Variants in SOX5 observed in about 807,000 individuals in gnomAD.
SOX5 encodes transcription factor SOX-5.
SOX5 carries 9 observed loss-of-function variants against 92.0 expected under a neutral mutation model. The ratio of observed to expected loss-of-function variants is 0.10; its 90% CI spans 0.06 to 0.17. SOX5 has a LOEUF of 0.17. SOX5 is among the 10% of genes least tolerant of loss of function. The probability of loss-of-function intolerance (pLI) is 1.00; values close to 1 mark genes in which losing one functional copy is unlikely to be tolerated. For synonymous variants in SOX5, 344 were observed against 336.3 expected (o/e 1.02, Z -0.25); for missense variants, 642 against 944.5 (o/e 0.68, Z 4.20).
intron 4 of SOX5, among the ~76,000 whole-genome samples, chr12:24,059,898 C>T (rs1939339014): frequency 6.6e-6 from 1 of 152,022 alleles, no homozygotes; most frequent in Non-Finnish European, 1.5e-5. Flanking sequence ...TTATAGCTTC[C>T]TTATTATAAG....
At chr12:23,663,889 G>C (rs990584334) in intron 7 of SOX5, among the ~76,000 whole-genome samples, 7 of 151,992 alleles carry the variant, frequency 4.6e-5, no homozygotes, top group African/African-American at 1.7e-4. Flanking sequence ...AACCTACAAA[G>C]GTAGGACGAT....
chr12:24,089,692 C>A (rs535587869), intron 4 of SOX5, among the ~76,000 whole-genome samples: 10 of 152,200 alleles, frequency 6.6e-5, no homozygotes, highest in African/African-American at 2.2e-4. Context: ...AACGCCCAGG[C>A]CTTATGTGCT....
intron 4 of SOX5, among the ~76,000 whole-genome samples, chr12:23,998,675 G>A (rs1003700879): frequency 6.6e-6 from 1 of 151,632 alleles, no homozygotes; most frequent in Admixed American, 6.6e-5. Flanking sequence ...GGTGGCTGGG[G>A]CTTGTAATCC....
In SOX5 at chr12:24,001,770, T is replaced by G. The variant is rs570434331; in HGVS notation, c.-1-105746A>C. Among the ~76,000 whole-genome samples the G allele has an allele frequency of 8.5e-5, 13 of 152,240 alleles. No homozygotes were observed. The South Asian group carries it at 2.7e-3, about 32-fold the overall frequency. ...GAATTAAAATAAGAATAGACAATAT[T>G]TATCACAAAGAAAGCAATACAGGAG... On this transcript the variant is annotated intron_variant, in intron 4 of 4. Coordinates refer to the SOX5 transcript ENST00000446891.
At chr12:23,958,735 A>AC (rs1946558624) in intron 4 of SOX5, among the ~76,000 whole-genome samples, 1 of 151,636 alleles carries the variant, frequency 6.6e-6, no homozygotes, top group African/African-American at 2.4e-5. Flanking sequence ...AAGTAAAAAA[A>AC]AAAAGATATC....
chr12:24,028,027 T>G (rs1369265807), intron 4 of SOX5, among the ~76,000 whole-genome samples: 1 of 151,994 alleles, frequency 6.6e-6, no homozygotes, highest in Non-Finnish European at 1.5e-5. Context: ...GATTTCATCA[T>G]GCTTTCTCTC....
chr12:23,841,268 C>T (rs1213212734), intron 3 of SOX5, among the ~76,000 whole-genome samples: 1 of 152,056 alleles, frequency 6.6e-6, no homozygotes, highest in Non-Finnish European at 1.5e-5. Flanking sequence ...GATACTACTA[C>T]ACACCTATTT....
rs1193948415 is a variant in SOX5 at position 23,740,969 on chromosome 12, T to C, written c.639A>G (p.Arg213=). 6.2e-7 allele frequency: 1 copy of C among 1,612,972 alleles called. No homozygotes were observed. The highest frequency in any genetic ancestry group is 8.5e-7 in the Non-Finnish European group (1 of 1,179,206). Reference sequence around the variant, plus strand: ...CATCGTGGGCAGCCAACAGCTGCTCTCGGAGGCTGGTCAGCTGGTTGATCA... The same window carrying C: ...CATCGTGGGCAGCCAACAGCTGCTCCCGGAGGCTGGTCAGCTGGTTGATCA... ...MGMINQLTSL[R]EQLLAAHDEQ... Residue 213 remains arginine, a synonymous_variant, in exon 5 of 15, where the codon CGA becomes CGG. Transcript: ENST00000451604.
rs1014674506 is a variant in SOX5, at chr12:24,312,148, T to C, written c.-173-34836A>G. Reference sequence around the variant, plus strand: ...TTTTTCTGCTCCCACTGATGACAAATATGTGGGAAATGGATTTAAATCTCA... The same window carrying C: ...TTTTTCTGCTCCCACTGATGACAAACATGTGGGAAATGGATTTAAATCTCA... On this transcript the variant is annotated intron_variant, in intron 2 of 4. Coordinates refer to the SOX5 transcript ENST00000446891. 2.0e-5 allele frequency among the ~76,000 whole-genome samples: 3 copies of C among 152,138 alleles called. No homozygotes were observed. In the South Asian group the frequency reaches 6.2e-4, roughly 32 times the overall value.
upstream of SOX5, among the ~76,000 whole-genome samples, chr12:23,954,592 T>C (rs1946060128): frequency 6.6e-6 from 1 of 152,052 alleles, no homozygotes; most frequent in Non-Finnish European, 1.5e-5. Context: ...CTTGTAATAG[T>C]GGACTTCTTC....
chr12:24,274,702 C>A (rs1944229868), intron 3 of SOX5, among the ~76,000 whole-genome samples: 1 of 151,298 alleles, frequency 6.6e-6, no homozygotes. Context: ...ACTGTCATCT[C>A]CACAATATTT....
At chr12:23,627,876 G>T (rs1037655572) in intron 8 of SOX5, among the ~76,000 whole-genome samples, 3 of 151,262 alleles carry the variant, frequency 2.0e-5, no homozygotes, top group Non-Finnish European at 4.4e-5. Context: ...TTATCTAACT[G>T]GTTACTCACT....
intron 11 of SOX5, among the ~76,000 whole-genome samples, chr12:23,555,332 A>C (rs12815511): frequency 0.071 from 10,861 of 152,000 alleles, 552 homozygotes; most frequent in South Asian, 0.11. Flanking sequence ...TCTCTCTGAA[A>C]GCCCAATTTG....
At position 24,161,356 on chromosome 12, in the gene SOX5, A is replaced by G. The variant is rs144770449; in HGVS notation, c.-2+51987T>C. Among the ~76,000 whole-genome samples, 552 of 152,234 alleles carry G rather than the reference A, an allele frequency of 3.6e-3. 2 individuals carry two copies. The highest frequency in any genetic ancestry group is 5.5e-3 in the Non-Finnish European group (371 of 67,988). On this transcript the variant is annotated intron_variant, in intron 4 of 4. Coordinates refer to the SOX5 transcript ENST00000446891. ...CATCAGATATTTGAAGATAGCTACTATATCAAGCAGAAATGTCACATAGGC... is the reference window on the plus strand; with the variant it reads ...CATCAGATATTTGAAGATAGCTACTGTATCAAGCAGAAATGTCACATAGGC...
intron 2 of SOX5, among the ~76,000 whole-genome samples, chr12:23,846,939 C>G (rs913668393): frequency 6.6e-5 from 10 of 152,068 alleles, no homozygotes; most frequent in African/African-American, 2.4e-4. Flanking sequence ...TCTTCATAGT[C>G]ATGTGGGTAT....
intron 2 of SOX5, among the ~76,000 whole-genome samples, chr12:23,855,824 A>T (rs982351704): frequency 6.6e-6 from 1 of 152,118 alleles, no homozygotes; most frequent in African/African-American, 2.4e-5. Flanking sequence ...ATGCCTTCTC[A>T]CTGTATCAGG....
chr12:23,799,514 C>A (rs1411721908), intron 3 of SOX5, among the ~76,000 whole-genome samples: 2 of 152,032 alleles, frequency 1.3e-5, no homozygotes, highest in Non-Finnish European at 2.9e-5. Context: ...GTGAAACCCT[C>A]AGCAGTTTCA....
At chr12:23,609,699 T>C (rs200630403) in intron 8 of SOX5, among the ~76,000 whole-genome samples, 2 of 108,014 alleles carry the variant, frequency 1.9e-5, no homozygotes, top group Non-Finnish European at 3.8e-5. Flanking sequence ...TCTTTCCTTC[T>C]TGACAAAGGA....
intron 1 of SOX5, among the ~76,000 whole-genome samples, chr12:24,412,434 T>C (rs1032970949): frequency 9.2e-5 from 14 of 152,090 alleles, no homozygotes; most frequent in African/African-American, 3.1e-4. Context: ...TAAACTTCCC[T>C]CTCAAAGTTG....
Sources: gnomAD v4.1 joint callset for allele counts (sites outside exome capture counted in the v4.1 genomes callset) on GRCh38, gnomAD v4.1.1 for gene constraint, MANE v1.5 for transcripts, NCBI Gene and HGNC (gene_info 2026-07-23, HGNC 2026-07-21) for gene names.